The following KHDRBS2 variants were observed in gnomAD, a reference collection of about 807,000 sequenced individuals.
KHDRBS2 encodes the protein KH domain-containing, RNA-binding, signal transduction-associated protein 2.
In KHDRBS2, 26 loss-of-function variants were observed where a neutral mutation model predicts 44.3. The observed-to-expected ratio is 0.59, with a 90% CI of 0.43 to 0.81. The LOEUF (loss-of-function observed/expected upper bound fraction) is 0.81. Among genes scored for constraint, KHDRBS2 ranks in the 40% least tolerant of loss-of-function variants. KHDRBS2 has a pLI of 0.00. For missense variants in KHDRBS2, 476 were observed against 433.1 expected (o/e 1.10, Z -0.88); for synonymous variants, 194 against 151.1 (o/e 1.28, Z -2.08).
intron 1 of KHDRBS2, among the ~76,000 whole-genome samples, chr6:62,248,187 T>C (rs1835919377): frequency 6.6e-6 from 1 of 151,326 alleles, no homozygotes; most frequent in Admixed American, 6.6e-5. Flanking sequence ...AATACCTCTA[T>C]AATTCCAAAA....
At chr6:61,699,244 C>T (rs16898970) in intron 7 of KHDRBS2, among the ~76,000 whole-genome samples, 198 of 151,908 alleles carry the variant, frequency 1.3e-3, no homozygotes, top group African/African-American at 3.9e-3. Flanking sequence ...AATAAAACCA[C>T]GTCACAATTT....
intron 4 of KHDRBS2, among the ~76,000 whole-genome samples, chr6:61,906,188 T>A (rs185031414): frequency 4.6e-5 from 7 of 152,274 alleles, no homozygotes; most frequent in African/African-American, 1.7e-4. Flanking sequence ...ATAGCTGAAC[T>A]CTTAAATACT....
At chr6:61,670,441 T>C in the KHDRBS2 span, among the ~76,000 whole-genome samples, 1 of 151,462 alleles carries the variant, frequency 6.6e-6, no homozygotes, top group East Asian at 2.0e-4. Flanking sequence ...AAATTCTAAA[T>C]AATTATTTAC....
At chr6:61,738,096 C>T (rs1775649763) in intron 6 of KHDRBS2, among the ~76,000 whole-genome samples, 1 of 151,852 alleles carries the variant, frequency 6.6e-6, no homozygotes, top group South Asian at 2.1e-4. Flanking sequence ...ATTGTTTTTG[C>T]TATTTGAAGA....
intron 6 of KHDRBS2, among the ~76,000 whole-genome samples, chr6:61,826,269 C>A (rs1228160905): frequency 6.6e-6 from 1 of 152,090 alleles, no homozygotes; most frequent in Non-Finnish European, 1.5e-5. Flanking sequence ...TTAAGACACC[C>A]AAGCTCTCTT....
chr6:61,665,122 A>AAAT, the KHDRBS2 span, among the ~76,000 whole-genome samples: 1 of 151,590 alleles, frequency 6.6e-6, no homozygotes, highest in East Asian at 1.9e-4. Context: ...GTTGAATTAT[A>AAAT]AATTCTAATT....
the KHDRBS2 span, among the ~76,000 whole-genome samples, chr6:61,588,877 A>G: frequency 6.6e-6 from 1 of 152,166 alleles, no homozygotes; most frequent in Admixed American, 6.6e-5. Context: ...CATGGAATAC[A>G]ACGCAGCCAT....
chr6:61,607,546 GAT>G, the KHDRBS2 span, among the ~76,000 whole-genome samples: 1 of 30,148 alleles, frequency 3.3e-5, no homozygotes, highest in East Asian at 1.3e-3. Flanking sequence ...AAAAAAAAAA[GAT>G]GTGTGAGAAA....
At chr6:61,558,111 TATTTCA>T in the KHDRBS2 span, among the ~76,000 whole-genome samples, 2 of 152,210 alleles carry the variant, frequency 1.3e-5, no homozygotes, top group Non-Finnish European at 2.9e-5. Flanking sequence ...TTGTTTCCTT[TATTTCA>T]ATTTCATTTA....
chr6:62,111,426 T>C (rs1331954673), intron 2 of KHDRBS2, among the ~76,000 whole-genome samples: 3 of 152,112 alleles, frequency 2.0e-5, no homozygotes, highest in Admixed American at 2.0e-4. Context: ...TGGTATAGTA[T>C]CTTATATTAA....
At chr6:62,119,916 A>C (rs955098796) in intron 2 of KHDRBS2, among the ~76,000 whole-genome samples, 1 of 152,168 alleles carries the variant, frequency 6.6e-6, no homozygotes, top group Non-Finnish European at 1.5e-5. Flanking sequence ...AGGCCTCAAG[A>C]GGTGAGGTTC....
At chr6:61,645,534 A>AAT in the KHDRBS2 span, among the ~76,000 whole-genome samples, 6 of 151,974 alleles carry the variant, frequency 3.9e-5, no homozygotes, top group Admixed American at 6.6e-5. Context: ...TAAAAAAAAA[A>AAT]AGGTATTTGA....
chr6:61,838,363 G>A (rs1190790831), intron 6 of KHDRBS2, among the ~76,000 whole-genome samples: 1 of 151,858 alleles, frequency 6.6e-6, no homozygotes, highest in Non-Finnish European at 1.5e-5. Flanking sequence ...ATTAAAGAAA[G>A]CATACTATCA....
rs867445564 is a variant in KHDRBS2, at chr6:62,037,888, C to T, written c.336+9990G>A. Among the ~76,000 whole-genome samples the T allele has an allele frequency of 2.9e-4, 44 of 151,982 alleles. No homozygotes were observed. The Middle Eastern group carries it at 0.01, about 35-fold the overall frequency. On this transcript the variant is annotated intron_variant, in intron 3 of 8. Transcript: ENST00000281156. ...AAATTAAAACAAGATGCTAAGTTTG[C>T]ACAAAAATATGCAAAGAGTAAACTA...
rs73759551 is a variant in KHDRBS2, at chr6:61,738,391, C to A, written c.811-5627G>T. 3.2e-3 allele frequency among the ~76,000 whole-genome samples: 481 copies of A among 152,112 alleles called. 4 individuals are homozygous for A. The highest frequency in any genetic ancestry group is 0.011 in the African/African-American group (437 of 41,538). ...ATGAAAAATATCTCTTCTAAGATTT[C>A]TTTCTATCTGTGAAGTTATAAATTC... is the stretch of plus-strand genomic sequence containing the variant. On this transcript the variant is annotated intron_variant, in intron 6 of 8. Coordinates refer to ENST00000281156, the MANE Select transcript of KHDRBS2 (RefSeq NM_152688.4).
chr6:62,153,118 G>A (rs1385417292), intron 2 of KHDRBS2, among the ~76,000 whole-genome samples: 1 of 152,058 alleles, frequency 6.6e-6, no homozygotes, highest in African/African-American at 2.4e-5. Flanking sequence ...CACATTTTAA[G>A]GTCATATCTG....
chr6:62,230,999 A>C (rs1331893636), intron 1 of KHDRBS2, among the ~76,000 whole-genome samples: 1 of 152,220 alleles, frequency 6.6e-6, no homozygotes, highest in African/African-American at 2.4e-5. Context: ...TTGAACTTTA[A>C]GTACACATTT....
chr6:62,229,978 A>C (rs1185697438), intron 1 of KHDRBS2, among the ~76,000 whole-genome samples: 1 of 152,138 alleles, frequency 6.6e-6, no homozygotes, highest in African/African-American at 2.4e-5. Flanking sequence ...TATTTTATAC[A>C]TTGGCATTAG....
the KHDRBS2 span, among the ~76,000 whole-genome samples, chr6:61,584,059 C>T: frequency 1.3e-5 from 2 of 151,392 alleles, no homozygotes; most frequent in African/African-American, 2.4e-5. Flanking sequence ...TTCTTTGTAT[C>T]CTGTGTCATT....
Sources: gnomAD v4.1 joint callset for allele counts (sites outside exome capture counted in the v4.1 genomes callset) on GRCh38, gnomAD v4.1.1 for gene constraint, MANE v1.5 for transcripts, NCBI Gene and HGNC (gene_info 2026-07-23, HGNC 2026-07-21) for gene names.